The following ZMAT4 variants were observed in gnomAD, a reference collection of about 807,000 sequenced individuals.
The protein encoded by ZMAT4 is zinc finger matrin-type protein 4.
ZMAT4 carries 17 observed loss-of-function variants against 28.7 expected under a neutral mutation model. That is an observed-to-expected ratio of 0.59 (90% CI 0.41 to 0.89). ZMAT4 has a LOEUF of 0.89. Among genes scored for constraint, ZMAT4 ranks in the 40% least tolerant of loss-of-function variants. The pLI is 0.00. For missense variants in ZMAT4, 240 were observed against 283.8 expected, an observed-to-expected ratio of 0.85 and a Z score of 1.11; for synonymous variants, 117 against 109.2, an observed-to-expected ratio of 1.07 and a Z score of -0.44.
At chr8:40,773,365 A>G (rs1051840298) in intron 2 of ZMAT4, among the ~76,000 whole-genome samples, 2 of 152,228 alleles carry the variant, frequency 1.3e-5, no homozygotes, top group African/African-American at 4.8e-5. Flanking sequence ...ATGGTCTTTA[A>G]CTGAGTCCTA....
At chr8:40,730,606 A>G (rs1168295354) in intron 3 of ZMAT4, among the ~76,000 whole-genome samples, 2 of 152,158 alleles carry the variant, frequency 1.3e-5, no homozygotes, top group Non-Finnish European at 2.9e-5. Flanking sequence ...ATGTTGCCCC[A>G]AAGGATTCAG....
chr8:40,653,023 T>C (rs1019460041), intron 5 of ZMAT4, among the ~76,000 whole-genome samples: 4 of 151,898 alleles, frequency 2.6e-5, no homozygotes, highest in Non-Finnish European at 5.9e-5. Context: ...GCATGGCACA[T>C]GTATACATAT....
chr8:40,834,544 C>T (rs1242688251), intron 1 of ZMAT4, among the ~76,000 whole-genome samples: 1 of 152,124 alleles, frequency 6.6e-6, no homozygotes, highest in African/African-American at 2.4e-5. Flanking sequence ...TTTTACTGAG[C>T]ATTTACTATA....
At chr8:40,780,361 A>C (rs1358656994) in intron 2 of ZMAT4, among the ~76,000 whole-genome samples, 1 of 152,236 alleles carries the variant, frequency 6.6e-6, no homozygotes, top group Admixed American at 6.5e-5. Flanking sequence ...ACTGTACTGA[A>C]GTATGGCTTC....
chr8:40,829,522 A>G (rs1320963271), intron 1 of ZMAT4, among the ~76,000 whole-genome samples: 1 of 152,186 alleles, frequency 6.6e-6, no homozygotes, highest in Non-Finnish European at 1.5e-5. Context: ...GAATAAAGGA[A>G]GCATCAAGGA....
chr8:40,699,522 C>T (rs1477617157), intron 3 of ZMAT4, among the ~76,000 whole-genome samples: 1 of 151,778 alleles, frequency 6.6e-6, no homozygotes. Flanking sequence ...TATTGCAGCA[C>T]TATTCACAAT....
intron 5 of ZMAT4, among the ~76,000 whole-genome samples, chr8:40,589,058 C>T (rs1370725260): frequency 6.6e-6 from 1 of 152,166 alleles, no homozygotes; most frequent in Non-Finnish European, 1.5e-5. Context: ...ACTTCTGATA[C>T]ATCCATTAAT....
In ZMAT4 at chr8:40,581,253, G is replaced by A. The variant is rs144919411; in HGVS notation, c.586C>T (p.Arg196Cys). 12 of 1,612,904 alleles carry A rather than the reference G, an allele frequency of 7.4e-6. 1 individual carries two copies. Among genetic ancestry groups the A allele is most frequent in the East Asian group, 2.2e-5 (1 of 44,816 alleles). ...CTGCAGATGGTACATCTGTAATTGC[G>A]CCTCAGACCTGTGGACAACAGACAG... is the stretch of plus-strand genomic sequence containing the variant. ...LDMGELRGLR[R>C]NYRCTICSVS... The change falls in exon 6 of 7, where the codon CGC becomes TGC. Residue 196 changes from arginine (R) to cysteine (C), a missense_variant. Physicochemically the swap from Arg to Cys is radical, Grantham distance 180 (BLOSUM62 -3). Coordinates refer to ENST00000297737, the MANE Select transcript of ZMAT4 (RefSeq NM_024645.3).
chr8:40,556,357 C>T (rs896275444), intron 6 of ZMAT4, among the ~76,000 whole-genome samples: 1 of 152,172 alleles, frequency 6.6e-6, no homozygotes, highest in Non-Finnish European at 1.5e-5. Flanking sequence ...CATGATTTTT[C>T]TCATTCTCTC....
chr8:40,573,151 T>C (rs1804152445), intron 6 of ZMAT4, among the ~76,000 whole-genome samples: 1 of 152,194 alleles, frequency 6.6e-6, no homozygotes, highest in African/African-American at 2.4e-5. Context: ...TGGCATCATC[T>C]CTATCATCAT....
chr8:40,741,209 C>G (rs1407353420), intron 3 of ZMAT4, among the ~76,000 whole-genome samples: 2 of 152,008 alleles, frequency 1.3e-5, no homozygotes, highest in South Asian at 4.1e-4. Flanking sequence ...CTTTGGGAGG[C>G]CGAGGAGGGT....
intron 5 of ZMAT4, among the ~76,000 whole-genome samples, chr8:40,607,888 C>T (rs1805654405): frequency 6.6e-6 from 1 of 152,034 alleles, no homozygotes; most frequent in African/African-American, 2.4e-5. Flanking sequence ...GATTTCTCTT[C>T]AGGTCTCTCA....
intron 3 of ZMAT4, among the ~76,000 whole-genome samples, chr8:40,766,540 T>A (rs1813167428): frequency 6.6e-6 from 1 of 152,210 alleles, no homozygotes; most frequent in Admixed American, 6.5e-5. Context: ...TCTTAGCAGC[T>A]TGCAAAGTTT....
chr8:40,565,105 T>C (rs535891337), intron 6 of ZMAT4, among the ~76,000 whole-genome samples: 1 of 152,326 alleles, frequency 6.6e-6, no homozygotes, highest in Admixed American at 6.5e-5. Flanking sequence ...GATTGATGTC[T>C]CTAATCATCA....
chr8:40,788,507 C>A (rs578142545), intron 2 of ZMAT4, among the ~76,000 whole-genome samples: 23 of 152,100 alleles, frequency 1.5e-4, no homozygotes, highest in African/African-American at 4.8e-4. Flanking sequence ...ATGGCGTGAA[C>A]CCAGTAGGCA....
chr8:40,539,741 G>A (rs1802966401), intron 6 of ZMAT4, among the ~76,000 whole-genome samples: 1 of 152,208 alleles, frequency 6.6e-6, no homozygotes, highest in African/African-American at 2.4e-5. Flanking sequence ...TTCTGATGTA[G>A]CTCTTGTACA....
At chr8:40,765,413 G>A (rs1209081943) in intron 3 of ZMAT4, among the ~76,000 whole-genome samples, 1 of 152,098 alleles carries the variant, frequency 6.6e-6, no homozygotes, top group African/African-American at 2.4e-5. Flanking sequence ...TGTAACAAAA[G>A]CATCAACTAT....
At chr8:40,546,715 C>T (rs1370806445) in intron 6 of ZMAT4, among the ~76,000 whole-genome samples, 3 of 152,048 alleles carry the variant, frequency 2.0e-5, no homozygotes, top group Non-Finnish European at 4.4e-5. Flanking sequence ...GTGACAGACA[C>T]AGAAAGGGAA....
At chr8:40,817,281 C>T (rs1025304267) in intron 2 of ZMAT4, among the ~76,000 whole-genome samples, 1 of 152,182 alleles carries the variant, frequency 6.6e-6, no homozygotes, top group Admixed American at 6.5e-5. Context: ...TTCTAATATT[C>T]TGCAAGCCTT....
Sources: gnomAD v4.1 joint callset for allele counts (sites outside exome capture counted in the v4.1 genomes callset) on GRCh38, gnomAD v4.1.1 for gene constraint, MANE v1.5 for transcripts, NCBI Gene and HGNC (gene_info 2026-07-23, HGNC 2026-07-21) for gene names.